Variants in SRGAP3 observed in about 807,000 individuals in gnomAD.
SRGAP3 encodes SLIT-ROBO Rho GTPase-activating protein 3.
Under a neutral mutation model 121.1 loss-of-function variants are expected in SRGAP3, and 39 were observed. The ratio of observed to expected loss-of-function variants is 0.32; its 90% confidence interval spans 0.25 to 0.42. The LOEUF is 0.42. SRGAP3 is among the 10% of genes least tolerant of loss of function. The pLI is 1.00. For missense variants in SRGAP3, 1,213 were observed against 1,470.6 expected (o/e 0.82, Z 2.86); for synonymous variants, 601 against 570.0 (o/e 1.05, Z -0.77).
intron 3 of SRGAP3, among the ~76,000 whole-genome samples, chr3:9,315,658 C>A (rs1955331849): frequency 6.6e-6 from 1 of 152,110 alleles, no homozygotes; most frequent in African/African-American, 2.4e-5. Flanking sequence ...CCATCTTCTG[C>A]CACACTGTAC....
intron 1 of SRGAP3, among the ~76,000 whole-genome samples, chr3:9,244,287 A>C (rs924422095): frequency 1.3e-5 from 2 of 152,150 alleles, no homozygotes; most frequent in African/African-American, 4.8e-5. Context: ...AACACTCAGC[A>C]CAAGACTAGG....
chr3:9,142,478 C>T (rs2125036308), intron 1 of SRGAP3, among the ~76,000 whole-genome samples: 1 of 152,334 alleles, frequency 6.6e-6, no homozygotes, highest in South Asian at 2.1e-4. Context: ...CTTACTACCC[C>T]TATATAAATC....
chr3:8,989,587 G>A (rs970643120), intron 21 of SRGAP3, among the ~76,000 whole-genome samples: 1 of 152,062 alleles, frequency 6.6e-6, no homozygotes, highest in African/African-American at 2.4e-5. Flanking sequence ...ACCTTATGTG[G>A]GAGAGAACAC....
At chr3:9,183,236 G>C (rs1383655403) in intron 1 of SRGAP3, among the ~76,000 whole-genome samples, 3 of 152,196 alleles carry the variant, frequency 2.0e-5, no homozygotes, top group Non-Finnish European at 4.4e-5. Context: ...CACAGTGCTG[G>C]CAGGGAAGAG....
chr3:9,304,070 A>G (rs1955115774), intron 3 of SRGAP3, among the ~76,000 whole-genome samples: 1 of 152,186 alleles, frequency 6.6e-6, no homozygotes, highest in Admixed American at 6.5e-5. Context: ...CCAGGGTCGC[A>G]CTGCTGCCAA....
At chr3:8,992,629 T>C (rs750306152) in intron 20 of SRGAP3, 5 of 535,574 alleles carry the variant, frequency 9.3e-6, no homozygotes, top group African/African-American at 1.9e-5. Flanking sequence ...TGCCAATTTG[T>C]ATCTCTCTCA....
chr3:9,038,476 CT>C (rs1944874191), intron 10 of SRGAP3, among the ~76,000 whole-genome samples: 1 of 152,208 alleles, frequency 6.6e-6, no homozygotes, highest in South Asian at 2.1e-4. Context: ...ACTACCACCC[CT>C]GGTGATCACT....
intron 9 of SRGAP3, among the ~76,000 whole-genome samples, chr3:9,050,698 TC>T (rs1360869953): frequency 6.6e-6 from 1 of 152,218 alleles, no homozygotes; most frequent in Admixed American, 6.5e-5. Flanking sequence ...TGAATTCTGT[TC>T]CCCAGAATTC....
chr3:8,993,136 A>G lies in SRGAP3; in HGVS notation c.2409-81T>C, dbSNP rs886134580. The G allele has an allele frequency of 2.5e-6, 4 of 1,598,124 alleles. No homozygotes were observed. In the African/African-American group the frequency reaches 5.3e-5, roughly 21 times the overall value. On this transcript the variant is annotated intron_variant, in intron 19 of 21. Coordinates refer to ENST00000383836, the MANE Select transcript of SRGAP3 (RefSeq NM_014850.4). ...TACAGAGCTCCCTGATATGTGTCTG[A>G]GGGGCTGAATTAACACAACTTATGG...
intron 1 of SRGAP3, among the ~76,000 whole-genome samples, chr3:9,153,418 G>C (rs745987788): frequency 6.6e-6 from 1 of 152,074 alleles, no homozygotes; most frequent in African/African-American, 2.4e-5. Context: ...GAGGCATACC[G>C]TCTCAGAGTC....
At chr3:9,352,810 G>A (rs1295348989) in intron 1 of SRGAP3, among the ~76,000 whole-genome samples, 2 of 152,100 alleles carry the variant, frequency 1.3e-5, no homozygotes, top group Non-Finnish European at 1.5e-5. Context: ...TGTATAACAC[G>A]GCTAATAAGA....
chr3:9,032,057 G>A (rs538299340), intron 12 of SRGAP3, among the ~76,000 whole-genome samples: 3 of 152,250 alleles, frequency 2.0e-5, no homozygotes, highest in South Asian at 4.1e-4. Flanking sequence ...AAGGTACAAA[G>A]GATTAACCTA....
intron 3 of SRGAP3, among the ~76,000 whole-genome samples, chr3:9,296,443 A>G (rs1414233687): frequency 6.6e-6 from 1 of 152,242 alleles, no homozygotes; most frequent in African/African-American, 2.4e-5. Flanking sequence ...ATTCATTTCT[A>G]GAAGATGGAA....
intron 3 of SRGAP3, 111 bp downstream of exon 3, chr3:9,104,569 C>T: frequency 7.1e-7 from 1 of 1,418,258 alleles, no homozygotes; most frequent in Non-Finnish European, 9.9e-7. Flanking sequence ...AATGCACCTG[C>T]CCCTCCTGGT....
intron 13 of SRGAP3, among the ~76,000 whole-genome samples, chr3:9,026,023 C>A (rs895273474): frequency 1.3e-5 from 2 of 152,268 alleles, no homozygotes; most frequent in Non-Finnish European, 2.9e-5. Context: ...GAACTTCTGC[C>A]ACCCAAGTCT....
chr3:9,360,638 G>A (rs1374320080), intron 1 of SRGAP3, among the ~76,000 whole-genome samples: 2 of 152,196 alleles, frequency 1.3e-5, no homozygotes, highest in African/African-American at 4.8e-5. Context: ...GAAGGTGAAA[G>A]GCACTTCTTA....
chr3:9,057,668 C>G (rs1038785968), intron 7 of SRGAP3, among the ~76,000 whole-genome samples: 2 of 152,232 alleles, frequency 1.3e-5, no homozygotes, highest in African/African-American at 4.8e-5. Context: ...GTGACACAGA[C>G]AAGCTCAGGG....
chr3:9,097,961 C>T (rs1948056014), intron 3 of SRGAP3, among the ~76,000 whole-genome samples: 1 of 152,114 alleles, frequency 6.6e-6, no homozygotes, highest in African/African-American at 2.4e-5. Flanking sequence ...GGAGGGAATC[C>T]CAAGTATCCT....
intron 1 of SRGAP3, among the ~76,000 whole-genome samples, chr3:9,211,313 C>T (rs902806786): frequency 3.3e-5 from 5 of 152,192 alleles, no homozygotes; most frequent in African/African-American, 9.7e-5. Flanking sequence ...CTCTCATTCT[C>T]CCAGCTCCAC....
Sources: gnomAD v4.1 joint callset for allele counts (sites outside exome capture counted in the v4.1 genomes callset) on GRCh38, gnomAD v4.1.1 for gene constraint, MANE v1.5 for transcripts, NCBI Gene and HGNC (gene_info 2026-07-23, HGNC 2026-07-21) for gene names.